ZNF207: variants seen among roughly 807,000 people sequenced by gnomAD.
The protein encoded by ZNF207 is zinc finger protein 207.
ZNF207 carries 24 observed loss-of-function variants against 60.2 expected under a neutral mutation model. The observed-to-expected ratio is 0.40, with a 90% CI of 0.29 to 0.56. The LOEUF is 0.56. Ranked by LOEUF, ZNF207 falls within the 20% of genes least tolerant of loss-of-function variation. The pLI, the probability that ZNF207 is intolerant of heterozygous loss-of-function variation, is 0.49. For missense variants in ZNF207, 452 were observed against 636.6 expected, an observed-to-expected ratio of 0.71 and a Z score of 3.12; for synonymous variants, 236 against 194.7, an observed-to-expected ratio of 1.21 and a Z score of -1.77.
rs1048852679 is a variant in ZNF207, at chr17:32,379,614, G to C, written c.*9855G>C. ...TCATTCTGTTCTTGTTGAAGCTGTT[G>C]TTGTGGTGATTCATGAGCAGTAAGC... On this transcript the variant is annotated 3_prime_UTR_variant, in exon 12 of 12. Coordinates refer to ENST00000394670, the MANE Select transcript of ZNF207 (RefSeq NM_001098507.2). The C allele has an allele frequency of 1.3e-5, 2 of 152,102 alleles. No homozygotes were observed. The highest frequency in any genetic ancestry group is 2.9e-5 in the Non-Finnish European group (2 of 67,988). The allele number at this position is 152,102 out of a possible 1,614,324, so 9.4% of individuals were successfully genotyped here.
intron 1 of ZNF207, chr17:32,351,529 G>C (rs2041507269): frequency 6.6e-7 from 1 of 1,520,600 alleles, no homozygotes; most frequent in South Asian, 1.2e-5. Flanking sequence ...TTAAACACAG[G>C]AATTTGACAA....
intron 7 of ZNF207, 52 bp downstream of exon 7, chr17:32,363,036 GT>G (rs748245226): frequency 2.6e-6 from 4 of 1,536,280 alleles, no homozygotes; most frequent in South Asian, 2.4e-5. Flanking sequence ...TTATTTCTAA[GT>G]TTTTTTAGAC....
At chr17:32,355,252 T>A (rs1904438958) in intron 2 of ZNF207, among the ~76,000 whole-genome samples, 1 of 152,054 alleles carries the variant, frequency 6.6e-6, no homozygotes, top group Admixed American at 6.6e-5. Flanking sequence ...AAGTTGGGCA[T>A]GGTGGCACGT....
rs1905694062 is a variant in ZNF207, at chr17:32,376,867, A to C, written c.*7108A>C. 6.6e-6 allele frequency: 1 copy of C among 152,038 alleles called. No individual in the cohort carries two copies. The highest frequency in any genetic ancestry group is 2.4e-5 in the African/African-American group (1 of 41,436). The allele number at this position is 152,038 out of a possible 1,614,324, so 9.4% of individuals were successfully genotyped here. A position where few individuals can be genotyped will look rare whatever the true frequency, so the allele number is the denominator to read the frequency against. On this transcript the variant is annotated 3_prime_UTR_variant, in exon 12 of 12. Coordinates refer to ENST00000394670, the MANE Select transcript of ZNF207 (RefSeq NM_001098507.2). ...ATTCTAAATGATGTAATGGTCTATA[A>C]GGTAGTAATCTGGCACAGCTTCAGT... is the stretch of plus-strand genomic sequence containing the variant.
In ZNF207 at chr17:32,372,397, C is replaced by T. The variant is rs1905513073; in HGVS notation, c.*2638C>T. On this transcript the variant is annotated 3_prime_UTR_variant, in exon 12 of 12. Coordinates refer to ENST00000394670, the MANE Select transcript of ZNF207 (RefSeq NM_001098507.2). Reference sequence around the variant, plus strand: ...CATGTATACGGTTATTGACAAACTGCAATAGGGTTAGTAGACCTGTTTCAG... The same window carrying T: ...CATGTATACGGTTATTGACAAACTGTAATAGGGTTAGTAGACCTGTTTCAG... The T allele has an allele frequency of 6.6e-6, 1 of 152,098 alleles. No homozygotes were observed. The highest frequency in any genetic ancestry group is 2.4e-5 in the African/African-American group (1 of 41,400). 9.4% of individuals were successfully genotyped at this position (152,098 alleles called of 1,614,324 possible).
At chr17:32,364,030 C>A (rs1315774445) in intron 7 of ZNF207, among the ~76,000 whole-genome samples, 1 of 52,822 alleles carries the variant, frequency 1.9e-5, no homozygotes, top group South Asian at 6.7e-4. Flanking sequence ...TCTCCATTTT[C>A]TTTTCTTCTT....
At chr17:32,368,303 A>T in intron 10 of ZNF207, 1 of 392,636 alleles carries the variant, frequency 2.5e-6, no homozygotes, top group Non-Finnish European at 4.6e-6. Context: ...AGTTAAACAT[A>T]AGTTTGCATA....
At chr17:32,362,300 C>T (rs901104503) in intron 6 of ZNF207, among the ~76,000 whole-genome samples, 3 of 152,080 alleles carry the variant, frequency 2.0e-5, no homozygotes, top group African/African-American at 4.8e-5. Flanking sequence ...GGACTACAGG[C>T]GCACACTACT....
At position 32,374,296 on chromosome 17, in the gene ZNF207, C is replaced by T. The variant is rs1444887326; in HGVS notation, c.*4537C>T. 7.2e-6 allele frequency: 1 copy of T among 138,220 alleles called. No homozygotes were observed. Among genetic ancestry groups the T allele is most frequent in the Non-Finnish European group, 1.5e-5 (1 of 65,730 alleles). 8.6% of individuals were successfully genotyped at this position (138,220 alleles called of 1,614,324 possible). On this transcript the variant is annotated 3_prime_UTR_variant, in exon 12 of 12. Transcript: ENST00000394670. ...GCAGTAGCACGATCTCAGCTCACTA[C>T]AACCTCCACCTCCTGGATTCAAGCG...
intron 8 of ZNF207, among the ~76,000 whole-genome samples, chr17:32,366,343 T>G (rs144178682): frequency 6.6e-6 from 1 of 152,372 alleles, no homozygotes; most frequent in Non-Finnish European, 1.5e-5. Context: ...GAATCATTGA[T>G]ACAGAATTGG....
chr17:32,357,209 C>T (rs1025975093), intron 2 of ZNF207, among the ~76,000 whole-genome samples: 1 of 150,760 alleles, frequency 6.6e-6, no homozygotes, highest in Non-Finnish European at 1.5e-5. Flanking sequence ...AAATGCCTCA[C>T]GTAACTCATT....
At chr17:32,367,239 T>A (rs532636166) in intron 9 of ZNF207, among the ~76,000 whole-genome samples, 3 of 32,180 alleles carry the variant, frequency 9.3e-5, no homozygotes, top group African/African-American at 2.4e-4. Flanking sequence ...TTGGAGGGGA[T>A]TATATATATA....
At position 32,372,522 on chromosome 17, in the gene ZNF207, C is replaced by T. The variant is rs565146849; in HGVS notation, c.*2763C>T. ...ATAGGTCTGATGGGCAAAAATGGAA[C>T]TTTTAAATATGGGATAGAATTCTAA... On this transcript the variant is annotated 3_prime_UTR_variant, in exon 12 of 12. Transcript: ENST00000394670. The T allele has an allele frequency of 5.9e-5, 9 of 152,222 alleles. No homozygotes were observed. The South Asian group carries it at 1.4e-3, about 25-fold the overall frequency. The allele number at this position is 152,222 out of a possible 1,614,324, so 9.4% of individuals were successfully genotyped here. A position where few individuals can be genotyped will look rare whatever the true frequency, so the allele number is the denominator to read the frequency against.
At chr17:32,355,009 C>G (rs1317495136) in intron 2 of ZNF207, among the ~76,000 whole-genome samples, 1 of 152,096 alleles carries the variant, frequency 6.6e-6, no homozygotes, top group Non-Finnish European at 1.5e-5. Flanking sequence ...ATATTCCAGA[C>G]AAGAGGAGAT....
Position 32,369,847 on chromosome 17 carries a change from T to C in ZNF207, c.*88T>C. On this transcript the variant is annotated 3_prime_UTR_variant, in exon 12 of 12. Transcript: ENST00000394670. ...ATAGCCAAGCTTCCGTCAATAAGGC[T>C]TCATTGTGACTTTAACAAACATTAT... is the stretch of plus-strand genomic sequence containing the variant. 3 of 1,300,458 alleles carry C rather than the reference T, an allele frequency of 2.3e-6. No homozygotes were observed. Among genetic ancestry groups the C allele is most frequent in the East Asian group, 5.4e-5 (2 of 36,768 alleles). 80.6% of individuals were successfully genotyped at this position (1,300,458 alleles called of 1,614,324 possible). A position where few individuals can be genotyped will look rare whatever the true frequency, so the allele number is the denominator to read the frequency against.
At position 32,364,594 on chromosome 17, in the gene ZNF207, G is replaced by A. The variant is rs543093343; in HGVS notation, c.671-736G>A. Among the ~76,000 whole-genome samples, 22 of 151,832 alleles carry A rather than the reference G, an allele frequency of 1.4e-4. 1 individual carries two copies. The East Asian group carries it at 2.1e-3, about 15-fold the overall frequency. The stretch of plus-strand genomic sequence containing the variant: ...AGGCTGGTCTCGAACTCCTGATCTC[G>A]TGATCCATCTGCCTCGGCCTCCCAA... On this transcript the variant is annotated intron_variant, in intron 7 of 11. Transcript: ENST00000394670.
At chr17:32,353,024 A>ATTAGC (rs1177574289) in intron 2 of ZNF207, among the ~76,000 whole-genome samples, 1 of 152,202 alleles carries the variant, frequency 6.6e-6, no homozygotes. Context: ...AGATACAAAA[A>ATTAGC]TTAGCCGGGT....
In ZNF207 at chr17:32,381,397, TTAAA is replaced by T. The variant is rs1905883609; in HGVS notation, c.*11641_*11644del. 1 of 152,242 alleles carries T rather than the reference TTAAA, an allele frequency of 6.6e-6. No individual in the cohort carries two copies. Among genetic ancestry groups the T allele is most frequent in the African/African-American group, 2.4e-5 (1 of 41,464 alleles). 9.4% of individuals were successfully genotyped at this position (152,242 alleles called of 1,614,324 possible). On this transcript the variant is annotated 3_prime_UTR_variant, in exon 12 of 12. Transcript: ENST00000394670. ...AAGTAAATGAGCTCACTAAGGGTAA[TTAAA>T]TACTAGCTTTTAAAATTTAAAGTTC...
At chr17:32,361,447 T>G (rs1171053990) in intron 5 of ZNF207, 21 bp from the exon 6 acceptor site, 1 of 1,602,738 alleles carries the variant, frequency 6.2e-7, no homozygotes, top group East Asian at 2.2e-5. Flanking sequence ...TAGATTTTGA[T>G]TTTGTCATAC....
Sources: allele counts gnomAD v4.1 joint callset (sites outside exome capture counted in the v4.1 genomes callset), GRCh38; gene constraint gnomAD v4.1.1; transcripts MANE v1.5; gene names NCBI Gene and HGNC (gene_info 2026-07-23, HGNC 2026-07-21).